NECAB2: variants seen among roughly 807,000 people sequenced by gnomAD.
NECAB2 encodes N-terminal EF-hand calcium-binding protein 2.
In NECAB2, 68 loss-of-function variants were observed where a neutral mutation model predicts 51.9. The observed-to-expected ratio is 1.31, with a 90% confidence interval of 1.08 to 1.60. NECAB2 has a LOEUF of 1.60. NECAB2 is among the 40% of genes most tolerant of loss of function. NECAB2 has a pLI of 0.00. For synonymous variants in NECAB2, 329 were observed against 203.5 expected (o/e 1.62, Z -5.25); for missense variants, 854 against 490.3 (o/e 1.74, Z -7.00).
At chr16:83,983,294 C>T (rs912975258) in intron 5 of NECAB2, among the ~76,000 whole-genome samples, 1 of 152,168 alleles carries the variant, frequency 6.6e-6, no homozygotes, top group Non-Finnish European at 1.5e-5. Flanking sequence ...ATTAAGAGTG[C>T]CGTTGTCTCT....
At chr16:83,996,784 C>T (rs2084706763) in intron 8 of NECAB2, among the ~76,000 whole-genome samples, 1 of 152,142 alleles carries the variant, frequency 6.6e-6, no homozygotes, top group Non-Finnish European at 1.5e-5. Flanking sequence ...AGTGGGGCAG[C>T]ACCTTCCCTG....
intron 5 of NECAB2, among the ~76,000 whole-genome samples, chr16:83,982,440 G>A (rs560787594): frequency 6.6e-6 from 1 of 152,266 alleles, no homozygotes; most frequent in African/African-American, 2.4e-5. Flanking sequence ...TATAGGCGGT[G>A]GATTAGAAGG....
At chr16:83,994,730 C>T (rs370961137) in intron 8 of NECAB2, 42 bp downstream of exon 8, 16 of 1,596,406 alleles carry the variant, frequency 1.0e-5, no homozygotes, top group South Asian at 3.3e-5. Flanking sequence ...CTTCCAACCC[C>T]TGAGGGAGTG....
chr16:83,965,290 C>T, upstream of NECAB2: 3 of 1,601,744 alleles, frequency 1.9e-6, no homozygotes, highest in South Asian at 2.2e-5. Context: ...CGCTGTGGGC[C>T]CGCAACGTGG....
At chr16:83,980,894 TG>T (rs775157060) in intron 4 of NECAB2, 30 bp downstream of exon 4, 25 of 1,613,274 alleles carry the variant, frequency 1.5e-5, no homozygotes, top group Non-Finnish European at 2.1e-5. Context: ...GGGACCAAGA[TG>T]GGGATGCTGG....
At chr16:83,973,186 G>C (rs1033496394) in intron 2 of NECAB2, among the ~76,000 whole-genome samples, 2 of 152,260 alleles carry the variant, frequency 1.3e-5, no homozygotes, top group Non-Finnish European at 2.9e-5. Flanking sequence ...CCTGTGACCT[G>C]CCCCAGGGCC....
chr16:83,971,983 T>A (rs2084353080), intron 1 of NECAB2, 168 bp from the exon 2 acceptor site: 2 of 859,038 alleles, frequency 2.3e-6, no homozygotes, highest in South Asian at 1.7e-5. Flanking sequence ...CCCTCATCAG[T>A]TCCCCCTGGA....
At position 83,981,018 on chromosome 16, in the gene NECAB2, T is replaced by A; in HGVS notation, c.362-12T>A. 6.2e-7 allele frequency: 1 copy of A among 1,613,676 alleles called. No homozygotes were observed. Among genetic ancestry groups the A allele is most frequent in the Non-Finnish European group, 8.5e-7 (1 of 1,179,632 alleles). ...GACCTGTGACCCCTGACCTTTGCCT[T>A]TCCTTCCCCAGATTACTTTGTGGAC... On this transcript the variant is annotated splice_polypyrimidine_tract_variant and intron_variant, in intron 4 of 12. Transcript: ENST00000305202.
At chr16:83,981,719 G>T (rs1229330313) in intron 5 of NECAB2, among the ~76,000 whole-genome samples, 2 of 152,112 alleles carry the variant, frequency 1.3e-5, no homozygotes, top group African/African-American at 4.8e-5. Flanking sequence ...AGGCATGGGA[G>T]TGTAGCATGA....
At position 83,995,852 on chromosome 16, in the gene NECAB2, C is replaced by T. The variant is rs1006478736; in HGVS notation, c.795+1164C>T. On this transcript the variant is annotated intron_variant, in intron 8 of 12. Transcript: ENST00000305202. Reference sequence around the variant, plus strand: ...GTTACCCCCTTCCTGAAGCCAGCTGCGGGAGCGGCTCGGAGGGGACCCCGT... The same window carrying T: ...GTTACCCCCTTCCTGAAGCCAGCTGTGGGAGCGGCTCGGAGGGGACCCCGT... Among the ~76,000 whole-genome samples, 14 of 152,274 alleles carry T rather than the reference C, an allele frequency of 9.2e-5. No individual in the cohort carries two copies. In the South Asian group the frequency reaches 2.3e-3, roughly 25 times the overall value.
chr16:83,986,855 C>G (rs896814362), intron 5 of NECAB2, among the ~76,000 whole-genome samples: 5 of 152,136 alleles, frequency 3.3e-5, no homozygotes, highest in Middle Eastern at 3.4e-3. Flanking sequence ...TATAAATGGT[C>G]TATATCCACA....
intron 5 of NECAB2, among the ~76,000 whole-genome samples, chr16:83,983,684 G>T (rs79142310): frequency 0.039 from 5,877 of 152,074 alleles, 162 homozygotes; most frequent in African/African-American, 0.082. Context: ...ACCCTAATTG[G>T]TATATTATTC....
At chr16:83,992,377 T>TCCCCCCCCCC (rs60014664) in intron 6 of NECAB2, among the ~76,000 whole-genome samples, 26 of 133,102 alleles carry the variant, frequency 2.0e-4, no homozygotes, top group African/African-American at 4.1e-4. Flanking sequence ...CGAGCACCCG[T>TCCCCCCCCCC]CCCCCCGCCC....
intron 1 of NECAB2, 77 bp from the exon 2 acceptor site, chr16:83,972,074 C>T: frequency 6.3e-7 from 1 of 1,587,784 alleles, no homozygotes; most frequent in Non-Finnish European, 8.6e-7. Flanking sequence ...GAGAAGGATC[C>T]CAGTATCCGG....
At chr16:83,996,791 C>G (rs1357825799) in intron 8 of NECAB2, among the ~76,000 whole-genome samples, 1 of 152,128 alleles carries the variant, frequency 6.6e-6, no homozygotes, top group Admixed American at 6.5e-5. Context: ...CAGCACCTTC[C>G]CTGGGGAGTC....
intron 1 of NECAB2, among the ~76,000 whole-genome samples, chr16:83,970,683 C>T (rs1048706433): frequency 3.9e-5 from 6 of 152,138 alleles, no homozygotes; most frequent in South Asian, 2.1e-4. Flanking sequence ...TCCCTGGTGT[C>T]GGGAAATGTG....
At chr16:83,967,127 T>C (rs946319633), upstream of NECAB2, among the ~76,000 whole-genome samples, 3 of 152,132 alleles carry the variant, frequency 2.0e-5, no homozygotes. Context: ...CCTCTTTGGC[T>C]CCCCAAAGTG....
At chr16:83,966,297 A>C (rs2151080948), upstream of NECAB2, 2 of 465,722 alleles carry the variant, frequency 4.3e-6, no homozygotes, top group Admixed American at 7.8e-5. Context: ...TGCGCCTTCC[A>C]GAAGCAGGTC....
chr16:83,997,140 G>GGATCCCAGA, intron 8 of NECAB2, 76 bp from the exon 9 acceptor site: 1 of 1,588,734 alleles, frequency 6.3e-7, no homozygotes, highest in Non-Finnish European at 8.6e-7. Flanking sequence ...ACAGCCCCAG[G>GGATCCCAGA]GATCCCAGAG....
Sources: allele counts gnomAD v4.1 joint callset (sites outside exome capture counted in the v4.1 genomes callset), GRCh38; gene constraint gnomAD v4.1.1; transcripts MANE v1.5; gene names NCBI Gene and HGNC (gene_info 2026-07-23, HGNC 2026-07-21).